Variants in NIBAN2 observed in about 807,000 individuals in gnomAD.
NIBAN2 encodes the protein niban apoptosis regulator 2, also known as protein Niban 2.
In NIBAN2, 36 loss-of-function variants were observed where a neutral mutation model predicts 81.8. The ratio of observed to expected loss-of-function variants is 0.44; its 90% CI spans 0.34 to 0.58. The LOEUF is 0.58. Ranked by LOEUF, NIBAN2 falls within the 20% of genes least tolerant of loss-of-function variation. The pLI is 0.02. For missense variants in NIBAN2, 897 were observed against 1,014.1 expected (o/e 0.88, Z 1.57); for synonymous variants, 445 against 441.6 (o/e 1.01, Z -0.10).
At chr9:127,531,177 G>GAA (rs10654600) in intron 2 of NIBAN2, among the ~76,000 whole-genome samples, 3,307 of 143,550 alleles carry the variant, frequency 0.023, 112 homozygotes, top group African/African-American at 0.075. Context: ...GACCCAGTCT[G>GAA]AAAAAAAAAA....
intron 8 of NIBAN2, among the ~76,000 whole-genome samples, chr9:127,515,537 AAACAAAC>A (rs1444740004): frequency 6.1e-5 from 4 of 65,266 alleles, no homozygotes; most frequent in Non-Finnish European, 1.1e-4. Context: ...AAAAAAAAAA[AAACAAAC>A]AAAAAAAACA....
chr9:127,527,692 C>T (rs112018584), intron 2 of NIBAN2, among the ~76,000 whole-genome samples: 1 of 152,208 alleles, frequency 6.6e-6, no homozygotes, highest in African/African-American at 2.4e-5. Flanking sequence ...GCTCCCCACC[C>T]ACCTACAGCT....
Position 127,578,970 on chromosome 9 carries a change from C to T in NIBAN2, c.-33G>A, listed in dbSNP as rs116394908. 1.7e-3 allele frequency: 2,656 copies of T among 1,603,554 alleles called. 35 individuals carry two copies. The African/African-American group carries it at 0.031, about 19-fold the overall frequency. ...AGTGAGAGCCCCAAAAGGAAGGGAC[C>T]GGAACTGGCCCAGTTCCTGACTCCT... is the stretch of plus-strand genomic sequence containing the variant. On this transcript the variant is annotated 5_prime_UTR_variant, in exon 1 of 14. Transcript: ENST00000373314.
At chr9:127,546,444 T>C (rs1316463608) in intron 1 of NIBAN2, among the ~76,000 whole-genome samples, 2 of 152,182 alleles carry the variant, frequency 1.3e-5, no homozygotes, top group Non-Finnish European at 2.9e-5. Context: ...ACACCTGCCC[T>C]GGGCCTGAGA....
At chr9:127,515,117 G>A (rs1236944268) in intron 8 of NIBAN2, among the ~76,000 whole-genome samples, 3 of 151,924 alleles carry the variant, frequency 2.0e-5, no homozygotes, top group African/African-American at 4.8e-5. Flanking sequence ...TCCCAGTTAC[G>A]CAGGAGGCTG....
At chr9:127,519,162 A>G (rs1836887817) in intron 5 of NIBAN2, among the ~76,000 whole-genome samples, 1 of 144,196 alleles carries the variant, frequency 6.9e-6, no homozygotes, top group African/African-American at 2.6e-5. Flanking sequence ...GCAACAGAGT[A>G]AGACTCTGTC....
Position 127,545,793 on chromosome 9 carries a change from C to T in NIBAN2, c.56-14015G>A, listed in dbSNP as rs370451947. ...CACTGGGGCTGCCCTTTCCTTTACA[C>T]CTCGAGGCCGCCTGGTGGGAGGAAG... On this transcript the variant is annotated intron_variant, in intron 1 of 13. Transcript: ENST00000373312. The surrounding 1 kb of genome is among the most constrained non-coding windows in gnomAD (Gnocchi z 4.7). Among the ~76,000 whole-genome samples, 1 of 152,170 alleles carries T rather than the reference C, an allele frequency of 6.6e-6. No homozygotes were observed. The highest frequency in any genetic ancestry group is 1.5e-5 in the Non-Finnish European group (1 of 68,022).
At chr9:127,542,310 G>A (rs530925115) in intron 1 of NIBAN2, among the ~76,000 whole-genome samples, 1 of 152,260 alleles carries the variant, frequency 6.6e-6, no homozygotes, top group South Asian at 2.1e-4. Flanking sequence ...AGGCTGGGTG[G>A]GAGCCCTCCA....
intron 5 of NIBAN2, among the ~76,000 whole-genome samples, chr9:127,519,174 CAAAAAAA>C (rs398046914): frequency 0.13 from 4,990 of 39,224 alleles, 322 homozygotes; most frequent in African/African-American, 0.3. Context: ...GACTCTGTCT[CAAAAAAA>C]AAAAAAAAAA....
intron 1 of NIBAN2, among the ~76,000 whole-genome samples, chr9:127,554,550 T>C (rs12551184): frequency 3.6e-5 from 1 of 27,864 alleles, no homozygotes; most frequent in Non-Finnish European, 6.1e-5. Flanking sequence ...TTCTTTTTCT[T>C]TTTTTTTTTT....
At chr9:127,539,655 A>T (rs1564309833) in intron 1 of NIBAN2, among the ~76,000 whole-genome samples, 1 of 152,116 alleles carries the variant, frequency 6.6e-6, no homozygotes, top group South Asian at 2.1e-4. Context: ...ACGACAATCT[A>T]ATCAGTGCTG....
chr9:127,540,348 G>T (rs1588172637), intron 1 of NIBAN2, among the ~76,000 whole-genome samples: 1 of 152,142 alleles, frequency 6.6e-6, no homozygotes, highest in Admixed American at 6.5e-5. Flanking sequence ...GAGGAGGCTT[G>T]CTGAGCTGAG....
chr9:127,548,143 C>T (rs1197450420), intron 1 of NIBAN2, among the ~76,000 whole-genome samples: 1 of 152,212 alleles, frequency 6.6e-6, no homozygotes, highest in Non-Finnish European at 1.5e-5. Flanking sequence ...TCCCTGGTCC[C>T]TCAGCTGGTG....
chr9:127,525,205 G>A (rs369171589), intron 3 of NIBAN2, 42 bp from the exon 4 acceptor site: 51 of 1,509,674 alleles, frequency 3.4e-5, no homozygotes, highest in African/African-American at 9.6e-5. Flanking sequence ...GTTAAGGTGC[G>A]GCCAAGCCCA....
At chr9:127,562,710 G>C (rs536485221) in intron 1 of NIBAN2, among the ~76,000 whole-genome samples, 105 of 152,316 alleles carry the variant, frequency 6.9e-4, no homozygotes, top group South Asian at 1.2e-3. Flanking sequence ...ATCGGTCTTC[G>C]ACAGGGAAGT....
Position 127,525,100 on chromosome 9 carries a change from A to C in NIBAN2, c.379T>G (p.Ser127Ala). The C allele has an allele frequency of 6.2e-7, 1 of 1,614,198 alleles. No individual in the cohort carries two copies. The highest frequency in any genetic ancestry group is 1.1e-5 in the South Asian group (1 of 91,086). Residue 127 changes from serine to alanine, a missense_variant, in exon 4 of 14, where the codon TCC becomes GCC. Coordinates refer to ENST00000373312, the MANE Select transcript of NIBAN2 (RefSeq NM_022833.4). ...INSAGYKILT[S>A]VDQYLELIGN... Reference sequence around the variant, plus strand: ...ATGAGCTCCAGGTATTGGTCCACGGACGTGAGGATTTTGTAGCCTGCACTG... The same window carrying C: ...ATGAGCTCCAGGTATTGGTCCACGGCCGTGAGGATTTTGTAGCCTGCACTG...
In NIBAN2 at chr9:127,578,978, G is replaced by A. The variant is rs373497973; in HGVS notation, c.-41C>T. 109 of 1,586,382 alleles carry A rather than the reference G, an allele frequency of 6.9e-5. No homozygotes were observed. Among genetic ancestry groups the A allele is most frequent in the Non-Finnish European group, 9.1e-5 (106 of 1,160,658 alleles). Reference sequence around the variant, plus strand: ...CCCCAAAAGGAAGGGACCGGAACTGGCCCAGTTCCTGACTCCTAGCACGTC... The same window carrying A: ...CCCCAAAAGGAAGGGACCGGAACTGACCCAGTTCCTGACTCCTAGCACGTC... On this transcript the variant is annotated 5_prime_UTR_variant, in exon 1 of 14. Coordinates refer to the NIBAN2 transcript ENST00000373314.
In NIBAN2 at chr9:127,510,137, C is replaced by T. The variant is rs762129044; in HGVS notation, c.1161+9G>A. The T allele has an allele frequency of 1.9e-6, 3 of 1,603,798 alleles. No individual in the cohort carries two copies. Among genetic ancestry groups the T allele is most frequent in the South Asian group, 2.2e-5 (2 of 89,596 alleles). The stretch of plus-strand genomic sequence containing the variant: ...GGAGACCCCCTCCTAGGGGCGGTGC[C>T]GGCCTCACCTCGCCCAGCTTGTCAA... On this transcript the variant is annotated intron_variant, in intron 9 of 13. Transcript: ENST00000373312.
At chr9:127,543,527 G>A (rs1165922474) in intron 1 of NIBAN2, among the ~76,000 whole-genome samples, 1 of 152,104 alleles carries the variant, frequency 6.6e-6, no homozygotes, top group Non-Finnish European at 1.5e-5. Flanking sequence ...GGCTCTGATG[G>A]CCCCAAGAGA....
Sources: gnomAD v4.1 joint callset for allele counts (sites outside exome capture counted in the v4.1 genomes callset) on GRCh38, gnomAD v4.1.1 for gene constraint, Gnocchi (gnomAD v3.1) non-coding constraint, MANE v1.5 for transcripts, NCBI Gene and HGNC (gene_info 2026-07-23, HGNC 2026-07-21) for gene names.